RGS3: variants seen among roughly 807,000 people sequenced by gnomAD.
RGS3 encodes the protein regulator of G-protein signalling 3.
Under a neutral mutation model 132.6 loss-of-function variants are expected in RGS3, and 80 were observed. That is an observed-to-expected ratio of 0.60 (90% confidence interval 0.50 to 0.73). The LOEUF (loss-of-function observed/expected upper bound fraction) is 0.73. Among genes scored for constraint, RGS3 ranks in the 30% least tolerant of loss-of-function variants. The pLI, the probability that RGS3 is intolerant of heterozygous loss-of-function variation, is 0.00. For missense variants in RGS3, 1,382 were observed against 1,530.8 expected (o/e 0.90, Z 1.62); for synonymous variants, 598 against 620.6 (o/e 0.96, Z 0.54).
intron 20 of RGS3, among the ~76,000 whole-genome samples, chr9:113,587,893 C>A (rs1266797047): frequency 6.6e-6 from 1 of 152,202 alleles, no homozygotes; most frequent in Non-Finnish European, 1.5e-5. Context: ...TCTCATGGTG[C>A]CCCCTGCCGC....
intron 19 of RGS3, among the ~76,000 whole-genome samples, chr9:113,573,788 T>C (rs1373626088): frequency 6.6e-6 from 1 of 152,130 alleles, no homozygotes; most frequent in Non-Finnish European, 1.5e-5. Context: ...GCGGGGCCCC[T>C]GCGTCTGGTA....
chr9:113,528,833 C>T (rs998175052), intron 17 of RGS3, among the ~76,000 whole-genome samples: 1 of 152,188 alleles, frequency 6.6e-6, no homozygotes, highest in Admixed American at 6.5e-5. Flanking sequence ...GCAGTTGGAG[C>T]ATTTAAAGGA....
intron 9 of RGS3, 147 bp downstream of exon 7, chr9:113,497,551 T>TG (rs1287925155): frequency 1.8e-5 from 12 of 658,044 alleles, no homozygotes; most frequent in Non-Finnish European, 2.9e-5. Context: ...CAGGAGCACT[T>TG]GCTAGAGTGC....
intron 1 of RGS3, among the ~76,000 whole-genome samples, chr9:113,446,285 T>C (rs1322695438): frequency 6.6e-6 from 1 of 152,202 alleles, no homozygotes; most frequent in East Asian, 1.9e-4. Context: ...AGATATTGGG[T>C]ATCTAATACA....
At chr9:113,523,544 G>C (rs1193273034) in intron 17 of RGS3, among the ~76,000 whole-genome samples, 1 of 152,172 alleles carries the variant, frequency 6.6e-6, no homozygotes, top group African/African-American at 2.4e-5. Flanking sequence ...GACAGAGACC[G>C]CAACTCGGCT....
chr9:113,492,189 C>A (rs796716482), intron 7 of RGS3, among the ~76,000 whole-genome samples: 1 of 152,168 alleles, frequency 6.6e-6, no homozygotes, highest in South Asian at 2.1e-4. Flanking sequence ...ATTTTTTCAT[C>A]TTGTAATGAG....
At chr9:113,541,161 G>A (rs1405856935) in intron 19 of RGS3, among the ~76,000 whole-genome samples, 2 of 152,180 alleles carry the variant, frequency 1.3e-5, no homozygotes, top group Non-Finnish European at 2.9e-5. Flanking sequence ...TGACGGTGAG[G>A]TGCGTGCCAC....
chr9:113,469,746 G>A (rs1389938333), intron 3 of RGS3, among the ~76,000 whole-genome samples: 2 of 151,632 alleles, frequency 1.3e-5, no homozygotes, highest in African/African-American at 4.9e-5. Context: ...TCAATCCTTG[G>A]GTTAGTTAGA....
chr9:113,487,180 C>T (rs1283893931), intron 7 of RGS3, among the ~76,000 whole-genome samples: 5 of 148,392 alleles, frequency 3.4e-5, no homozygotes, highest in South Asian at 2.1e-4. Context: ...GGCGCAATCT[C>T]GGCTCACTGC....
chr9:113,543,871 C>T (rs1465006028), intron 19 of RGS3, among the ~76,000 whole-genome samples: 1 of 152,196 alleles, frequency 6.6e-6, no homozygotes, highest in Non-Finnish European at 1.5e-5. Flanking sequence ...ACATCAGTTC[C>T]TGGTGGGCCC....
intron 7 of RGS3, among the ~76,000 whole-genome samples, chr9:113,495,155 G>T (rs1330386262): frequency 6.6e-6 from 1 of 152,176 alleles, no homozygotes; most frequent in Non-Finnish European, 1.5e-5. Flanking sequence ...CATTACAGGC[G>T]TGAGCCACCG....
At chr9:113,550,789 T>C (rs1290543921) in intron 19 of RGS3, among the ~76,000 whole-genome samples, 1 of 152,208 alleles carries the variant, frequency 6.6e-6, no homozygotes, top group Non-Finnish European at 1.5e-5. Context: ...AATAGCCTGT[T>C]CAAGTCTTTT....
rs1201127182 is a variant in RGS3 at position 113,498,133 on chromosome 9, C to T, written c.897+53C>T. On this transcript the variant is annotated intron_variant, in intron 10 of 24. Coordinates refer to ENST00000350696, the Ensembl canonical transcript of RGS3. ...TCCAGGAGCTGGATCTGCTCCTTGA[C>T]AGCCCCTGGGCCCGGGAAACCCCTA... The T allele has an allele frequency of 3.8e-6, 6 of 1,558,486 alleles. No homozygotes were observed. In the East Asian group the frequency reaches 9.0e-5, roughly 23 times the overall value.
At chr9:113,490,332 T>A (rs1830467682) in intron 7 of RGS3, among the ~76,000 whole-genome samples, 1 of 152,070 alleles carries the variant, frequency 6.6e-6, no homozygotes, top group South Asian at 2.1e-4. Flanking sequence ...ACTTTCCCCT[T>A]CTCCAGTGAA....
At chr9:113,541,822 A>C (rs1386798051) in intron 19 of RGS3, 2 of 992,072 alleles carry the variant, frequency 2.0e-6, no homozygotes, top group African/African-American at 3.5e-5. Flanking sequence ...GCCAGAGGAC[A>C]TCTCCGCCCA....
chr9:113,502,594 C>T (rs542075575), intron 10 of RGS3, among the ~76,000 whole-genome samples: 40 of 152,324 alleles, frequency 2.6e-4, no homozygotes, highest in African/African-American at 8.4e-4. Context: ...GCGACACTAG[C>T]GTCTGGATGG....
chr9:113,526,350 C>T (rs1361840074), intron 17 of RGS3, among the ~76,000 whole-genome samples: 1 of 152,166 alleles, frequency 6.6e-6, no homozygotes, highest in African/African-American at 2.4e-5. Context: ...GATAGCAGTG[C>T]TGGGGTGGTA....
chr9:113,562,655 C>G (rs1200291377), intron 19 of RGS3, among the ~76,000 whole-genome samples: 1 of 152,064 alleles, frequency 6.6e-6, no homozygotes, highest in Admixed American at 6.5e-5. Flanking sequence ...TACCCGGGTG[C>G]TGACCCCTGG....
At chr9:113,470,642 G>A (rs1014510192) in intron 3 of RGS3, among the ~76,000 whole-genome samples, 1 of 152,036 alleles carries the variant, frequency 6.6e-6, no homozygotes, top group Non-Finnish European at 1.5e-5. Context: ...GATCTACATT[G>A]TAGGTGTGCT....
Sources: gnomAD v4.1 joint callset for allele counts (sites outside exome capture counted in the v4.1 genomes callset) on GRCh38, gnomAD v4.1.1 for gene constraint, MANE v1.5 for transcripts, NCBI Gene and HGNC (gene_info 2026-07-23, HGNC 2026-07-21) for gene names.